Variants in AOPEP observed in about 807,000 individuals in gnomAD.
The protein encoded by AOPEP is aminopeptidase O (putative), also known as aminopeptidase O.
Under a neutral mutation model 98.1 loss-of-function variants are expected in AOPEP, and 77 were observed. The ratio of observed to expected loss-of-function variants is 0.78; its 90% CI spans 0.65 to 0.95. The LOEUF is 0.95. Among genes scored for constraint, AOPEP ranks in the 40% least tolerant of loss-of-function variants. The pLI, the probability that AOPEP is intolerant of heterozygous loss-of-function variation, is 0.00. For missense variants in AOPEP, 1,024 were observed against 1,024.7 expected (o/e 1.00, Z 0.01); for synonymous variants, 346 against 365.3 (o/e 0.95, Z 0.60).
At chr9:94,952,112 G>T (rs535037277) in intron 7 of AOPEP, among the ~76,000 whole-genome samples, 1 of 152,284 alleles carries the variant, frequency 6.6e-6, no homozygotes, top group Non-Finnish European at 1.5e-5. Flanking sequence ...CTCTCACACT[G>T]TCATTTTAAA....
chr9:94,786,233 C>T (rs552111208), intron 3 of AOPEP, among the ~76,000 whole-genome samples: 1 of 152,166 alleles, frequency 6.6e-6, no homozygotes, highest in Non-Finnish European at 1.5e-5. Flanking sequence ...CTAATTTAAT[C>T]CTAACTTAAT....
chr9:94,742,611 T>C (rs1833408584), intron 1 of AOPEP, among the ~76,000 whole-genome samples: 1 of 151,868 alleles, frequency 6.6e-6, no homozygotes, highest in Admixed American at 6.6e-5. Context: ...ATTTTTTGTA[T>C]TTTAGTAGAG....
chr9:94,965,816 G>T (rs1056705998), intron 9 of AOPEP, among the ~76,000 whole-genome samples: 1 of 151,790 alleles, frequency 6.6e-6, no homozygotes, highest in Non-Finnish European at 1.5e-5. Context: ...TGCAGACTTG[G>T]TTCTATTGGG....
chr9:95,139,072 T>C, the AOPEP span, among the ~76,000 whole-genome samples: 1 of 152,220 alleles, frequency 6.6e-6, no homozygotes, highest in Non-Finnish European at 1.5e-5. Flanking sequence ...CTTGATATGC[T>C]TGCTTAACAG....
Position 94,760,401 on chromosome 9 carries a change from C to T in AOPEP, c.618C>T (p.Tyr206=), listed in dbSNP as rs76131437. ...ANRWREQLDY[Y]ARCSQAPGCG... is the part of the protein sequence containing the mutation. ...GTTGGAGGGAGCAGTTAGACTATTACGCTCGCTGCAGCCAGGCTCCTGGCT... is the reference window on the plus strand; with the variant it reads ...GTTGGAGGGAGCAGTTAGACTATTATGCTCGCTGCAGCCAGGCTCCTGGCT... Residue 206 remains tyrosine (Y), a synonymous_variant, in exon 2 of 17, where the codon TAC becomes TAT. Coordinates refer to ENST00000375315, the MANE Select transcript of AOPEP (RefSeq NM_001193329.3). 7,428 of 1,614,034 alleles carry T rather than the reference C, an allele frequency of 4.6e-3. 267 individuals carry two copies. The African/African-American group carries it at 0.081, about 18-fold the overall frequency.
At chr9:94,988,821 T>A (rs2060679296) in intron 11 of AOPEP, among the ~76,000 whole-genome samples, 1 of 152,000 alleles carries the variant, frequency 6.6e-6, no homozygotes, top group South Asian at 2.1e-4. Flanking sequence ...TGAGTCAGCA[T>A]CTCCATAGGT....
chr9:95,083,342 C>T lies in AOPEP; in HGVS notation c.*4+623C>T, dbSNP rs139421817. On this transcript the variant is annotated intron_variant, in intron 16 of 16. Coordinates refer to ENST00000375315, the MANE Select transcript of AOPEP (RefSeq NM_001193329.3). ...CGCACCACACAGAGCACGCACAGCA[C>T]ACACCACACAGCGCACGCACCACAC... Among the ~76,000 whole-genome samples, 1,034 of 150,926 alleles carry T rather than the reference C, an allele frequency of 6.9e-3. 12 individuals are homozygous for T. The highest frequency in any genetic ancestry group is 0.022 in the African/African-American group (900 of 41,010).
the AOPEP span, among the ~76,000 whole-genome samples, chr9:95,136,246 A>T: frequency 3.3e-5 from 5 of 151,892 alleles, no homozygotes; most frequent in African/African-American, 4.8e-5. Context: ...TTTTTTTTTT[A>T]AATTAGCCTG....
At chr9:94,755,431 ATGATTTAGGT>A (rs1330003863) in intron 1 of AOPEP, among the ~76,000 whole-genome samples, 2 of 152,216 alleles carry the variant, frequency 1.3e-5, no homozygotes, top group Non-Finnish European at 2.9e-5. Flanking sequence ...AGAGAGAAAG[ATGATTTAGGT>A]CATCCATGAA....
At chr9:95,111,536 G>C in the AOPEP span, 3 of 1,614,152 alleles carry the variant, frequency 1.9e-6, no homozygotes, top group Non-Finnish European at 2.5e-6. Context: ...CAGGGCCGTG[G>C]GGGGTTCGGC....
At chr9:94,728,238 T>C (rs373596657) in intron 1 of AOPEP, among the ~76,000 whole-genome samples, 1 of 80,868 alleles carries the variant, frequency 1.2e-5, no homozygotes, top group Non-Finnish European at 2.3e-5. Flanking sequence ...CGTGCGCGCA[T>C]GCACACACAC....
At chr9:94,773,479 G>A (rs1404105042) in intron 3 of AOPEP, among the ~76,000 whole-genome samples, 1 of 152,068 alleles carries the variant, frequency 6.6e-6, no homozygotes, top group Admixed American at 6.5e-5. Context: ...ACAGGCAGGT[G>A]TACCATGGAA....
chr9:95,114,415 T>C, the AOPEP span: 2 of 641,068 alleles, frequency 3.1e-6, no homozygotes, highest in Middle Eastern at 4.2e-4. Context: ...TATTGGCACA[T>C]GCATACATGC....
intron 13 of AOPEP, among the ~76,000 whole-genome samples, chr9:95,046,015 C>T (rs191154637): frequency 6.6e-6 from 1 of 152,236 alleles, no homozygotes; most frequent in Admixed American, 6.5e-5. Flanking sequence ...CAGAGGACTG[C>T]GCTGGGCCTA....
chr9:94,857,317 G>A (rs1039823137), intron 5 of AOPEP, among the ~76,000 whole-genome samples: 1 of 152,076 alleles, frequency 6.6e-6, no homozygotes, highest in South Asian at 2.1e-4. Context: ...TAACTGCTGC[G>A]AATTCACCTC....
Position 95,004,499 on chromosome 9 carries a change from C to A in AOPEP, c.1978-659C>A, listed in dbSNP as rs1589231145. ...GAGGGGCCACTGGGAAACGTCTACT[C>A]GAGGGCGTAGAACCCGGTCCCGGAG... On this transcript the variant is annotated intron_variant, in intron 11 of 16. Coordinates refer to ENST00000375315, the MANE Select transcript of AOPEP (RefSeq NM_001193329.3). Among the ~76,000 whole-genome samples the A allele has an allele frequency of 1.3e-5, 2 of 152,154 alleles. 1 individual carries two copies. Among genetic ancestry groups the A allele is most frequent in the African/African-American group, 4.8e-5 (2 of 41,518 alleles).
intron 1 of AOPEP, among the ~76,000 whole-genome samples, chr9:94,738,584 T>A (rs894503391): frequency 6.7e-6 from 1 of 148,388 alleles, no homozygotes; most frequent in Non-Finnish European, 1.5e-5. Flanking sequence ...TTATTATTAT[T>A]TTTTTTTGAG....
At chr9:95,111,423 G>A in the AOPEP span, 3 of 1,602,202 alleles carry the variant, frequency 1.9e-6, no homozygotes. Flanking sequence ...CAGCCCCCCA[G>A]AGCCCACCCC....
At position 95,087,007 on chromosome 9, in the gene AOPEP, T is replaced by G; in HGVS notation, c.*330T>G. ...TGGAAAACCTGCTGAACATTTTACA[T>G]TGGTCTGCTCAGCACATGGCTGGAT... On this transcript the variant is annotated 3_prime_UTR_variant, in exon 17 of 17. Coordinates refer to ENST00000375315, the MANE Select transcript of AOPEP (RefSeq NM_001193329.3). 1 of 923,674 alleles carries G rather than the reference T, an allele frequency of 1.1e-6. No homozygotes were observed. Among genetic ancestry groups the G allele is most frequent in the Non-Finnish European group, 1.3e-6 (1 of 772,648 alleles). 57.2% of individuals were successfully genotyped at this position (923,674 alleles called of 1,614,324 possible).
Sources: gnomAD v4.1 joint callset for allele counts (sites outside exome capture counted in the v4.1 genomes callset) on GRCh38, gnomAD v4.1.1 for gene constraint, MANE v1.5 for transcripts, NCBI Gene and HGNC (gene_info 2026-07-23, HGNC 2026-07-21) for gene names.